MAP2K5: variants seen among roughly 807,000 people sequenced by gnomAD.
The protein encoded by MAP2K5 is dual specificity mitogen-activated protein kinase kinase 5.
In MAP2K5, 49 loss-of-function variants were observed where a neutral mutation model predicts 83.1. The ratio of observed to expected loss-of-function variants is 0.59; its 90% CI spans 0.47 to 0.75. MAP2K5 has a LOEUF of 0.75. Among genes scored for constraint, MAP2K5 ranks in the 30% least tolerant of loss-of-function variants. The probability of loss-of-function intolerance (pLI) is 0.00; values close to 1 mark genes in which losing one functional copy is unlikely to be tolerated. For missense variants in MAP2K5, 457 were observed against 557.5 expected (o/e 0.82, Z 1.82); for synonymous variants, 202 against 191.8 (o/e 1.05, Z -0.44).
chr15:67,746,365 T>A lies in MAP2K5; in HGVS notation c.1075-1866T>A, dbSNP rs1671682920. On this transcript the variant is annotated intron_variant, in intron 17 of 21. Transcript: ENST00000178640. This position sits in a 1 kb window ranked among gnomAD's most constrained non-coding sequence, Gnocchi z 4.1. ...TTCTCTTTGATGTCAGAAATGGATT[T>A]CTGATTCTTTATTCATTACAAATAA... is the stretch of plus-strand genomic sequence containing the variant. 6.6e-6 allele frequency among the ~76,000 whole-genome samples: 1 copy of A among 152,182 alleles called. No homozygotes were observed. The highest frequency in any genetic ancestry group is 2.1e-4 in the South Asian group (1 of 4,826).
intron 15 of MAP2K5, among the ~76,000 whole-genome samples, chr15:67,696,476 C>T (rs916506938): frequency 1.3e-5 from 2 of 152,042 alleles, no homozygotes; most frequent in Admixed American, 1.3e-4. Context: ...GTTTGCCAGC[C>T]CCTGATCTAT....
rs2090008950 is a variant in MAP2K5 at position 67,764,648 on chromosome 15, C to G, written c.1135-4954C>G. Among the ~76,000 whole-genome samples the G allele has an allele frequency of 6.6e-6, 1 of 152,212 alleles. No individual in the cohort carries two copies. The highest frequency in any genetic ancestry group is 2.1e-4 in the South Asian group (1 of 4,830). On this transcript the variant is annotated intron_variant, in intron 19 of 21. Coordinates refer to ENST00000178640, the MANE Select transcript of MAP2K5 (RefSeq NM_145160.3). This position sits in a 1 kb window ranked among gnomAD's most constrained non-coding sequence, Gnocchi z 4.9. ...TTGCGTTCCACATGGTAGATGCCCA[C>G]AAAAGCTGTTGAATGAATGAATGAA...
Position 67,757,003 on chromosome 15 carries a change from A to T in MAP2K5, c.1134+8402A>T, listed in dbSNP as rs1025866365. Among the ~76,000 whole-genome samples the T allele has an allele frequency of 8.5e-5, 13 of 152,118 alleles. No individual in the cohort carries two copies. On this transcript the variant is annotated intron_variant, in intron 19 of 21. Transcript: ENST00000178640. This position sits in a 1 kb window ranked among gnomAD's most constrained non-coding sequence, Gnocchi z 4.9. ...TATTGTGAATAATGCTGCAGTGAAC[A>T]TGGCAGTGCAGATATCTCTTCAGGA...
intron 19 of MAP2K5, among the ~76,000 whole-genome samples, chr15:67,751,826 C>A (rs1040584533): frequency 6.6e-6 from 1 of 152,142 alleles, no homozygotes; most frequent in Non-Finnish European, 1.5e-5. Context: ...ATTTTACCAA[C>A]CATTTTGCCA....
At chr15:67,547,447 T>C (rs1180822966) in intron 1 of MAP2K5, among the ~76,000 whole-genome samples, 1 of 145,506 alleles carries the variant, frequency 6.9e-6, no homozygotes, top group African/African-American at 2.6e-5. Context: ...ACTTCGGTTT[T>C]CTTTTTTCTT....
At chr15:67,800,079 A>G (rs779505487) in intron 21 of MAP2K5, among the ~76,000 whole-genome samples, 2 of 152,130 alleles carry the variant, frequency 1.3e-5, no homozygotes, top group Admixed American at 6.5e-5. Flanking sequence ...GGCCCCAGGG[A>G]TAGTTATGAT....
At chr15:67,654,594 C>T (rs1237342654) in intron 11 of MAP2K5, among the ~76,000 whole-genome samples, 1 of 152,042 alleles carries the variant, frequency 6.6e-6, no homozygotes, top group Non-Finnish European at 1.5e-5. Flanking sequence ...CTTTCATGTT[C>T]TGTTGTTGCT....
intron 17 of MAP2K5, among the ~76,000 whole-genome samples, chr15:67,733,807 A>G: frequency 6.6e-6 from 1 of 152,230 alleles, no homozygotes; most frequent in East Asian, 1.9e-4. Flanking sequence ...ATTCTTAATG[A>G]TATAACGACT....
Position 67,665,099 on chromosome 15 carries a change from G to A in MAP2K5, c.847+454G>A, listed in dbSNP as rs2087342642. ...GTCTTGCTCTGTTGGCCAGGTTGTT[G>A]TTAAACCCCTAGCCTCAAGCAGTCC... On this transcript the variant is annotated intron_variant, in intron 13 of 21. Transcript: ENST00000178640. The surrounding 1 kb of genome is among the most constrained non-coding windows in gnomAD (Gnocchi z 4.2). Among the ~76,000 whole-genome samples the A allele has an allele frequency of 6.6e-6, 1 of 152,136 alleles. No homozygotes were observed. Among genetic ancestry groups the A allele is most frequent in the Admixed American group, 6.6e-5 (1 of 15,266 alleles).
At chr15:67,684,145 A>C (rs560602746) in intron 13 of MAP2K5, among the ~76,000 whole-genome samples, 26 of 152,352 alleles carry the variant, frequency 1.7e-4, no homozygotes, top group Admixed American at 1.2e-3. Flanking sequence ...CTGGCCTAAC[A>C]TCAGCCTCTG....
rs902028668 is a variant in MAP2K5 at position 67,722,275 on chromosome 15, G to A, written c.1045-5641G>A. Among the ~76,000 whole-genome samples, 13 of 152,070 alleles carry A rather than the reference G, an allele frequency of 8.5e-5. No individual in the cohort carries two copies. Among genetic ancestry groups the A allele is most frequent in the African/African-American group, 3.1e-4 (13 of 41,394 alleles). On this transcript the variant is annotated intron_variant, in intron 16 of 21. Coordinates refer to ENST00000178640, the MANE Select transcript of MAP2K5 (RefSeq NM_145160.3). This position sits in a 1 kb window ranked among gnomAD's most constrained non-coding sequence, Gnocchi z 4.2. Reference sequence around the variant, plus strand: ...CTTTCCTCACTCTGAGGCCTTTCAAGGCTTTGTTCTTAAGCCCCAGACACT... The same window carrying A: ...CTTTCCTCACTCTGAGGCCTTTCAAAGCTTTGTTCTTAAGCCCCAGACACT...
At chr15:67,653,959 A>G (rs935336079) in intron 11 of MAP2K5, among the ~76,000 whole-genome samples, 5 of 152,136 alleles carry the variant, frequency 3.3e-5, no homozygotes, top group African/African-American at 1.2e-4. Context: ...TTATTTAGGT[A>G]TGTGCTGTTT....
chr15:67,663,664 G>C (rs1199999742), intron 12 of MAP2K5, among the ~76,000 whole-genome samples: 7 of 152,134 alleles, frequency 4.6e-5, no homozygotes, highest in African/African-American at 1.2e-4. Flanking sequence ...CTTGAGGTCA[G>C]GAGTTCAAGA....
chr15:67,605,496 A>G (rs2085760576), intron 8 of MAP2K5, among the ~76,000 whole-genome samples: 2 of 152,174 alleles, frequency 1.3e-5, no homozygotes, highest in Non-Finnish European at 2.9e-5. Context: ...ATGATATCTT[A>G]TGTATTATCT....
chr15:67,546,265 G>T (rs1054537168), intron 1 of MAP2K5: 1 of 152,272 alleles, frequency 6.6e-6, no homozygotes, highest in Admixed American at 6.5e-5. Context: ...TTAAAGTCAC[G>T]TGGAACCTGG....
chr15:67,752,675 C>T (rs2089747330), intron 19 of MAP2K5, among the ~76,000 whole-genome samples: 1 of 142,706 alleles, frequency 7.0e-6, no homozygotes, highest in Non-Finnish European at 1.5e-5. Flanking sequence ...AAGACACCCT[C>T]TCAAAAAAAA....
intron 3 of MAP2K5, among the ~76,000 whole-genome samples, chr15:67,579,019 G>A (rs567682020): frequency 1.2e-4 from 18 of 152,246 alleles, no homozygotes; most frequent in African/African-American, 4.3e-4. Flanking sequence ...ATTGTACATA[G>A]CAGTTAATTA....
At position 67,587,561 on chromosome 15, in the gene MAP2K5, G is replaced by A. The variant is rs1239309147; in HGVS notation, c.431+648G>A. 1.3e-5 allele frequency among the ~76,000 whole-genome samples: 2 copies of A among 152,156 alleles called. No homozygotes were observed. The highest frequency in any genetic ancestry group is 2.9e-5 in the Non-Finnish European group (2 of 68,022). ...TACTGAACATCCCTGTCGGAGGAAT[G>A]CACTTTATCAGCCAACGCAGCTCCT... On this transcript the variant is annotated intron_variant, in intron 6 of 21. Coordinates refer to ENST00000178640, the MANE Select transcript of MAP2K5 (RefSeq NM_145160.3). This position sits in a 1 kb window ranked among gnomAD's most constrained non-coding sequence, Gnocchi z 4.8.
rs370376340 is a variant in MAP2K5 at position 67,586,860 on chromosome 15, C to T, written c.378C>T (p.Ala126=). The change falls in exon 6 of 22, where the codon GCC becomes GCT. Residue 126 remains alanine (A), a synonymous_variant. Coordinates refer to ENST00000178640, the MANE Select transcript of MAP2K5 (RefSeq NM_145160.3). The part of the protein sequence containing the change: ...NIHGLKVNTR[A]GPSQHSSPAV... ...TTTACTTATAGGTGAATACTCGGGC[C>T]GGACCCTCTCAACACAGCAGCCCAG... 3.9e-5 allele frequency: 63 copies of T among 1,613,954 alleles called. No homozygotes were observed. Among genetic ancestry groups the T allele is most frequent in the Non-Finnish European group, 4.9e-5 (58 of 1,180,016 alleles).
Sources: gnomAD v4.1 joint callset for allele counts (sites outside exome capture counted in the v4.1 genomes callset) on GRCh38, gnomAD v4.1.1 for gene constraint, Gnocchi (gnomAD v3.1) non-coding constraint, MANE v1.5 for transcripts, NCBI Gene and HGNC (gene_info 2026-07-23, HGNC 2026-07-21) for gene names.